Variants in MTA3 observed in about 807,000 individuals in gnomAD.
The protein encoded by MTA3 is metastasis associated 1 family member 3, also known as metastasis-associated protein MTA3.
In MTA3, 34 loss-of-function variants were observed where a neutral mutation model predicts 83.5. The ratio of observed to expected loss-of-function variants is 0.41; its 90% CI spans 0.31 to 0.54. The LOEUF is 0.54. Among genes scored for constraint, MTA3 ranks in the 20% least tolerant of loss-of-function variants. The pLI is 0.33. For missense variants in MTA3, 761 were observed against 726.4 expected (o/e 1.05, Z -0.55); for synonymous variants, 303 against 252.7 (o/e 1.20, Z -1.89).
chr2:42,500,518 C>G (rs1483950236), intron 2 of MTA3, among the ~76,000 whole-genome samples: 2 of 152,016 alleles, frequency 1.3e-5, no homozygotes, highest in Non-Finnish European at 2.9e-5. Context: ...GCCTGGGTGA[C>G]AGAGGCTCTC....
chr2:42,707,949 G>A lies in MTA3; in HGVS notation c.1197G>A (p.Gln399=), dbSNP rs147432609. 33 of 1,613,242 alleles carry A rather than the reference G, an allele frequency of 2.0e-5. No individual in the cohort carries two copies. In the African/African-American group the frequency reaches 3.3e-4, roughly 16 times the overall value. ...QWYSWGPPNM[Q]CRLCAICWLY... is the part of the protein sequence containing the mutation. ...ATTCTTGGGGCCCACCTAATATGCA[G>A]TGTAGATTATGTGCAATTTGTTGGC... Residue 399 remains glutamine, a synonymous_variant, in exon 13 of 17, where the codon CAG becomes CAA. Transcript: ENST00000405094.
chr2:42,645,587 A>G (rs1330688552), intron 6 of MTA3, among the ~76,000 whole-genome samples: 4 of 152,122 alleles, frequency 2.6e-5, no homozygotes, highest in African/African-American at 9.7e-5. Flanking sequence ...TACTGCTGAT[A>G]CCATGGAGAA....
At chr2:42,562,995 C>T (rs933242575) in intron 2 of MTA3, among the ~76,000 whole-genome samples, 11 of 152,084 alleles carry the variant, frequency 7.2e-5, no homozygotes, top group Admixed American at 6.6e-5. Flanking sequence ...CCTTTCACCT[C>T]GTGCCTCCCT....
At chr2:42,674,316 C>G (rs889287672) in intron 8 of MTA3, among the ~76,000 whole-genome samples, 7 of 152,202 alleles carry the variant, frequency 4.6e-5, no homozygotes, top group African/African-American at 1.7e-4. Context: ...TAGTGTGGTT[C>G]TGCTTAACAA....
intron 8 of MTA3, among the ~76,000 whole-genome samples, chr2:42,670,516 A>G (rs1462904157): frequency 6.6e-6 from 1 of 152,176 alleles, no homozygotes; most frequent in Non-Finnish European, 1.5e-5. Flanking sequence ...TAGACAGGAA[A>G]GGGCTGAAGA....
At chr2:42,520,207 G>C (rs1265026238) in intron 2 of MTA3, among the ~76,000 whole-genome samples, 2 of 152,126 alleles carry the variant, frequency 1.3e-5, no homozygotes, top group Admixed American at 1.3e-4. Context: ...CTCTGCTCCA[G>C]CCTCTGTGCT....
intron 14 of MTA3, chr2:42,709,370 G>A: frequency 8.5e-7 from 1 of 1,175,108 alleles, no homozygotes; most frequent in Non-Finnish European, 1.1e-6. Flanking sequence ...CTATTCCATG[G>A]GGTTTTGTGA....
chr2:42,688,614 G>GTT (rs3040121), intron 9 of MTA3, among the ~76,000 whole-genome samples: 11 of 121,554 alleles, frequency 9.0e-5, no homozygotes, highest in Admixed American at 1.7e-4. Flanking sequence ...GCATTCAAGT[G>GTT]TTTTTTTTTT....
intron 4 of MTA3, among the ~76,000 whole-genome samples, chr2:42,631,738 G>A (rs1319848645): frequency 6.6e-6 from 1 of 152,180 alleles, no homozygotes; most frequent in African/African-American, 2.4e-5. Context: ...GACCCAGGCT[G>A]GAGTGCAGTG....
At chr2:42,582,153 G>A (rs1377378229) in intron 3 of MTA3, among the ~76,000 whole-genome samples, 1 of 151,602 alleles carries the variant, frequency 6.6e-6, no homozygotes, top group African/African-American at 2.4e-5. Flanking sequence ...CGCCTCCCAG[G>A]TTCAGGCCAT....
chr2:42,620,915 G>A (rs973698660), intron 4 of MTA3, among the ~76,000 whole-genome samples: 1 of 152,012 alleles, frequency 6.6e-6, no homozygotes, highest in African/African-American at 2.4e-5. Flanking sequence ...TTTAGACATG[G>A]GTATTTTATC....
In MTA3 at chr2:42,514,682, CTT is replaced by C. The variant is rs767598363; in HGVS notation, c.-141+19452_-141+19453del. Among the ~76,000 whole-genome samples, 92 of 53,480 alleles carry C rather than the reference CTT, an allele frequency of 1.7e-3. 1 individual carries two copies. Among genetic ancestry groups the C allele is most frequent in the Non-Finnish European group, 2.2e-3 (72 of 32,436 alleles). 35.1% of individuals were successfully genotyped at this position (53,480 alleles called of 152,430 possible). On this transcript the variant is annotated intron_variant, in intron 2 of 17. Transcript: ENST00000405592. ...GATTACAGGCATGAGCGCCCAGCCCCTTTTTTTTTTTTTTTTTTTTTTTTTGA... is the reference window on the plus strand; with the variant it reads ...GATTACAGGCATGAGCGCCCAGCCCCTTTTTTTTTTTTTTTTTTTTTTTGA...
intron 16 of MTA3, among the ~76,000 whole-genome samples, chr2:42,749,513 G>A (rs532048662): frequency 1.2e-4 from 18 of 152,162 alleles, no homozygotes; most frequent in Admixed American, 2.6e-4. Context: ...TGTCACCCGT[G>A]CTGGAGTGCA....
chr2:42,499,111 A>G (rs1450290921), intron 2 of MTA3, among the ~76,000 whole-genome samples: 2 of 152,164 alleles, frequency 1.3e-5, no homozygotes, highest in Admixed American at 6.6e-5. Context: ...ACGATGTGGC[A>G]TAGTACCTAT....
chr2:42,683,773 CAG>C (rs1384062624), intron 9 of MTA3, among the ~76,000 whole-genome samples: 3 of 152,090 alleles, frequency 2.0e-5, no homozygotes, highest in East Asian at 3.9e-4. Flanking sequence ...GGGCAGACCT[CAG>C]GGGGCAGTGG....
chr2:42,502,014 G>T (rs1272141949), intron 2 of MTA3, among the ~76,000 whole-genome samples: 2 of 151,938 alleles, frequency 1.3e-5, no homozygotes, highest in Admixed American at 6.6e-5. Context: ...ATTTAAAAAA[G>T]ACCCAAATTC....
intron 16 of MTA3, among the ~76,000 whole-genome samples, chr2:42,743,203 G>T (rs536212234): frequency 6.6e-6 from 1 of 152,306 alleles, no homozygotes; most frequent in South Asian, 2.1e-4. Context: ...AGATGCCCTT[G>T]GTTCTTTCCA....
At chr2:42,550,460 G>T (rs771800537) in intron 2 of MTA3, among the ~76,000 whole-genome samples, 2 of 152,176 alleles carry the variant, frequency 1.3e-5, no homozygotes, top group Non-Finnish European at 2.9e-5. Context: ...TAGTGCTCTG[G>T]GGAGGAGGTT....
At chr2:42,576,912 A>G (rs1573028155) in intron 2 of MTA3, among the ~76,000 whole-genome samples, 1 of 151,390 alleles carries the variant, frequency 6.6e-6, no homozygotes, top group Non-Finnish European at 1.5e-5. Context: ...AAACAAAAAA[A>G]CCAAAACAAA....
Sources: gnomAD v4.1 joint callset for allele counts (sites outside exome capture counted in the v4.1 genomes callset) on GRCh38, gnomAD v4.1.1 for gene constraint, MANE v1.5 for transcripts, NCBI Gene and HGNC (gene_info 2026-07-23, HGNC 2026-07-21) for gene names.